PCBP3: variants seen among roughly 807,000 people sequenced by gnomAD.
PCBP3 encodes the protein poly(rC)-binding protein 3.
Under a neutral mutation model 52.7 loss-of-function variants are expected in PCBP3, and 25 were observed. That is an observed-to-expected ratio of 0.47 (90% CI 0.35 to 0.66). The LOEUF is 0.66. PCBP3 is among the 30% of genes least tolerant of loss of function. The pLI is 0.01. For synonymous variants in PCBP3, 162 were observed against 183.0 expected (o/e 0.89, Z 0.93); for missense variants, 391 against 490.3 (o/e 0.80, Z 1.91).
At position 45,656,141 on chromosome 21, in the gene PCBP3, G is replaced by T. The variant is rs1483763320; in HGVS notation, c.-279+12273G>T. On this transcript the variant is annotated intron_variant, in intron 1 of 17. Coordinates refer to ENST00000681687, the MANE Select transcript of PCBP3 (RefSeq NM_001384156.1). This position sits in a 1 kb window ranked among gnomAD's most constrained non-coding sequence, Gnocchi z 4.3. ...CATTTGACCCAGCAATCCCATTACT[G>T]GGTATATACCCAAAGGATTATAAAT... 6.6e-6 allele frequency among the ~76,000 whole-genome samples: 1 copy of T among 152,168 alleles called. No individual in the cohort carries two copies. The highest frequency in any genetic ancestry group is 1.5e-5 in the Non-Finnish European group (1 of 68,034).
chr21:45,842,840 G>A (rs1018750963), intron 4 of PCBP3, among the ~76,000 whole-genome samples: 1 of 152,202 alleles, frequency 6.6e-6, no homozygotes, highest in African/African-American at 2.4e-5. Flanking sequence ...CAGCCCCTCT[G>A]ACCGGGCAGG....
intron 4 of PCBP3, among the ~76,000 whole-genome samples, chr21:45,835,998 A>G (rs2093577965): frequency 6.6e-6 from 1 of 152,260 alleles, no homozygotes; most frequent in Middle Eastern, 3.4e-3. Flanking sequence ...CTTTCAGAAT[A>G]TGAGCAAGAA....
intron 4 of PCBP3, among the ~76,000 whole-genome samples, chr21:45,838,093 A>G (rs2093628645): frequency 1.3e-5 from 2 of 152,206 alleles, no homozygotes; most frequent in Admixed American, 1.3e-4. Context: ...TCTCACTGCG[A>G]TGAGTTGGTT....
intron 5 of PCBP3, among the ~76,000 whole-genome samples, chr21:45,884,555 C>CGT (rs966106603): frequency 6.6e-6 from 1 of 151,898 alleles, no homozygotes; most frequent in Non-Finnish European, 1.5e-5. Context: ...ATATATGTCA[C>CGT]GTGTGTGTGC....
chr21:45,670,573 G>A (rs1019275888), intron 2 of PCBP3, among the ~76,000 whole-genome samples: 7 of 152,178 alleles, frequency 4.6e-5, no homozygotes, highest in African/African-American at 1.7e-4. Flanking sequence ...TTAATCCAGT[G>A]TAGTCTTAAG....
chr21:45,887,473 CTCCACACCTCA>C (rs2095549694), intron 5 of PCBP3, among the ~76,000 whole-genome samples: 1 of 152,224 alleles, frequency 6.6e-6, no homozygotes, highest in Non-Finnish European at 1.5e-5. Context: ...GTGATGGTGG[CTCCACACCTCA>C]TTCAGTTGGA....
intron 12 of PCBP3, chr21:45,915,656 T>A (rs1603502124): frequency 6.6e-6 from 1 of 152,406 alleles, no homozygotes; most frequent in East Asian, 1.9e-4. Context: ...TGAAGGGCCC[T>A]GTGCAGTGGG....
At chr21:45,863,930 C>T (rs1048583080) in intron 5 of PCBP3, among the ~76,000 whole-genome samples, 3 of 152,172 alleles carry the variant, frequency 2.0e-5, no homozygotes, top group East Asian at 3.9e-4. Flanking sequence ...GATGAAAAAG[C>T]GGAAATTGTG....
intron 4 of PCBP3, among the ~76,000 whole-genome samples, chr21:45,765,456 A>G (rs566824045): frequency 2.0e-5 from 3 of 152,240 alleles, no homozygotes; most frequent in Non-Finnish European, 2.9e-5. Context: ...AAAACCCCTC[A>G]GTCACACCAA....
At chr21:45,901,286 C>T (rs1307737674) in intron 9 of PCBP3, 173 bp downstream of exon 9, 5 of 598,368 alleles carry the variant, frequency 8.4e-6, no homozygotes, top group Non-Finnish European at 1.5e-5. Context: ...AGCTCTGGTT[C>T]ACCCAGTCAG....
At chr21:45,888,219 C>T (rs1235142479) in intron 5 of PCBP3, among the ~76,000 whole-genome samples, 1 of 152,240 alleles carries the variant, frequency 6.6e-6, no homozygotes, top group Non-Finnish European at 1.5e-5. Context: ...GTTTCTGTTA[C>T]TGTAATAATG....
intron 4 of PCBP3, among the ~76,000 whole-genome samples, chr21:45,774,282 C>T (rs1383590054): frequency 6.6e-6 from 1 of 151,582 alleles, no homozygotes; most frequent in Non-Finnish European, 1.5e-5. Context: ...TGGTGCGTGC[C>T]TGTAATCCCA....
intron 2 of PCBP3, among the ~76,000 whole-genome samples, chr21:45,677,723 T>A (rs1307701554): frequency 6.6e-6 from 1 of 152,190 alleles, no homozygotes; most frequent in Non-Finnish European, 1.5e-5. Context: ...CAGTGCTCAT[T>A]TACCATTCCA....
intron 3 of PCBP3, among the ~76,000 whole-genome samples, chr21:45,754,230 T>C (rs2087813247): frequency 6.6e-6 from 1 of 152,178 alleles, no homozygotes; most frequent in Non-Finnish European, 1.5e-5. Flanking sequence ...TTGTTCAACC[T>C]GTATATAATA....
chr21:45,660,379 C>T (rs1219836085), intron 1 of PCBP3, among the ~76,000 whole-genome samples: 1 of 151,942 alleles, frequency 6.6e-6, no homozygotes, highest in Non-Finnish European at 1.5e-5. Flanking sequence ...TTCTTGTATA[C>T]TACATATAAC....
intron 1 of PCBP3, among the ~76,000 whole-genome samples, chr21:45,652,486 G>A (rs1357393070): frequency 6.6e-6 from 1 of 150,640 alleles, no homozygotes; most frequent in Non-Finnish European, 1.5e-5. Context: ...TGTTGCCCAG[G>A]TTGGAGTGCA....
Position 45,821,575 on chromosome 21 carries a change from CT to C in PCBP3, c.-125-28385del, listed in dbSNP as rs571876985. ...CCTGCTGTGGGCCCCGCCCCCTCCC[CT>C]AACTCATTTCTAGAACTCTCTTCCT... On this transcript the variant is annotated intron_variant, in intron 4 of 17. Coordinates refer to ENST00000681687, the MANE Select transcript of PCBP3 (RefSeq NM_001384156.1). The surrounding 1 kb of genome is among the most constrained non-coding windows in gnomAD (Gnocchi z 4.4). Among the ~76,000 whole-genome samples the C allele has an allele frequency of 3.3e-4, 50 of 152,282 alleles. No homozygotes were observed. Among genetic ancestry groups the C allele is most frequent in the Admixed American group, 1.0e-3 (16 of 15,286 alleles).
chr21:45,922,601 C>T (rs1236589828), intron 13 of PCBP3, among the ~76,000 whole-genome samples: 1 of 152,216 alleles, frequency 6.6e-6, no homozygotes, highest in Non-Finnish European at 1.5e-5. Flanking sequence ...TATTTCTAGT[C>T]TTCCAGCTCT....
intron 16 of PCBP3, among the ~76,000 whole-genome samples, chr21:45,935,914 T>C (rs1202523699): frequency 6.6e-6 from 1 of 152,268 alleles, no homozygotes. Flanking sequence ...CTCTGAATGC[T>C]TGACTTATCC....
Sources: allele counts gnomAD v4.1 joint callset (sites outside exome capture counted in the v4.1 genomes callset), GRCh38; gene constraint gnomAD v4.1.1; non-coding constraint Gnocchi (gnomAD v3.1); transcripts MANE v1.5; gene names NCBI Gene and HGNC (gene_info 2026-07-23, HGNC 2026-07-21).